The following KCP variants were observed in gnomAD, a reference collection of about 807,000 sequenced individuals.
The protein encoded by KCP is kielin cysteine rich BMP regulator, also known as kielin/chordin-like protein.
KCP carries 194 observed loss-of-function variants against 212.7 expected under a neutral mutation model. The ratio of observed to expected loss-of-function variants is 0.91; its 90% CI spans 0.81 to 1.03. KCP has a LOEUF of 1.03. KCP is among the 50% of genes least tolerant of loss of function. KCP has a pLI of 0.00. For synonymous variants in KCP, 833 were observed against 865.3 expected, an observed-to-expected ratio of 0.96 and a Z score of 0.65; for missense variants, 2,080 against 2,162.5, an observed-to-expected ratio of 0.96 and a Z score of 0.76.
intron 8 of KCP, among the ~76,000 whole-genome samples, chr7:128,898,119 G>A (rs1027701486): frequency 2.6e-5 from 4 of 151,752 alleles, no homozygotes; most frequent in African/African-American, 7.3e-5. Context: ...GCAATGGTGC[G>A]ATCTTGGCTC....
chr7:128,886,557 C>A lies in KCP; in HGVS notation c.2773G>T (p.Ala925Ser). 1 of 1,551,200 alleles carries A rather than the reference C, an allele frequency of 6.4e-7. No homozygotes were observed. Among genetic ancestry groups the A allele is most frequent in the South Asian group, 1.2e-5 (1 of 84,062 alleles). ...AGCCGCACACAGCTGACCTGGCCAGCCTGTAGGAGATGCAGGGACACTGGC... is the reference window on the plus strand; with the variant it reads ...AGCCGCACACAGCTGACCTGGCCAGACTGTAGGAGATGCAGGGACACTGGC... Reference protein sequence around the residue: ...AGSCEWCRCQAGQVSCVRLQC... With the variant: ...AGSCEWCRCQSGQVSCVRLQC... The change falls in exon 26 of 40, where the codon GCT becomes TCT. Residue 925 changes from alanine to serine, a missense_variant and splice_region_variant. Transcript: ENST00000610776.
chr7:128,885,678 CCT>C (rs538572355), intron 26 of KCP, among the ~76,000 whole-genome samples: 4 of 152,210 alleles, frequency 2.6e-5, no homozygotes, highest in Non-Finnish European at 5.9e-5. Flanking sequence ...ATGGGGATTT[CCT>C]CTGTCCTGCC....
At chr7:128,880,565 C>T in intron 33 of KCP, 37 bp from the exon 34 acceptor site, 1 of 1,373,780 alleles carries the variant, frequency 7.3e-7, no homozygotes, top group Non-Finnish European at 9.5e-7. Context: ...AGCTGCTCCT[C>T]CCACATGCCC....
rs1793220229 is a variant in KCP at position 128,879,965 on chromosome 7, G to T, written c.3880C>A (p.Gln1294Lys). The change falls in exon 35 of 40, where the codon CAG becomes AAG. Residue 1294 changes from glutamine to lysine, a missense_variant. Coordinates refer to ENST00000610776, the MANE Select transcript of KCP (RefSeq NM_001366122.1). ...RTFDGRLLHF[Q>K]GSCSYVLAKD... ...GCCAGCACATAGCTGCAACTGCCCT[G>T]GAAGTGCAGCAGGCGGCCGTCGAAG... The T allele has an allele frequency of 2.6e-6, 4 of 1,550,762 alleles. No individual in the cohort carries two copies. The highest frequency in any genetic ancestry group is 3.5e-6 in the Non-Finnish European group (4 of 1,146,966).
chr7:128,887,198 T>C lies in KCP; in HGVS notation c.2598+17A>G. 6.4e-7 allele frequency: 1 copy of C among 1,550,610 alleles called. No individual in the cohort carries two copies. The highest frequency in any genetic ancestry group is 8.7e-7 in the Non-Finnish European group (1 of 1,146,062). ...AAGGGAGGAAAGGTTACCAAGGTCC[T>C]AAAGGGGCTGCCTCACCTGGCAGGT... On this transcript the variant is annotated intron_variant, in intron 23 of 39. Coordinates refer to ENST00000610776, the MANE Select transcript of KCP (RefSeq NM_001366122.1).
At chr7:128,882,328 C>G (rs1793381638) in intron 29 of KCP, among the ~76,000 whole-genome samples, 1 of 152,208 alleles carries the variant, frequency 6.6e-6, no homozygotes, top group Non-Finnish European at 1.5e-5. Flanking sequence ...TGCTCTCCCT[C>G]CCGCTATCTG....
intron 30 of KCP, 87 bp downstream of exon 30, chr7:128,881,850 G>C: frequency 1.4e-6 from 2 of 1,414,344 alleles, no homozygotes; most frequent in Non-Finnish European, 1.9e-6. Flanking sequence ...GAGAGCCCTG[G>C]AGCTGCTGCG....
rs1168876366 is a variant in KCP at position 128,892,797 on chromosome 7, G to A, written c.1421-3C>T. 2 of 1,551,690 alleles carry A rather than the reference G, an allele frequency of 1.3e-6. No individual in the cohort carries two copies. The highest frequency in any genetic ancestry group is 1.7e-6 in the Non-Finnish European group (2 of 1,146,914). On this transcript the variant is annotated splice_polypyrimidine_tract_variant and splice_region_variant and intron_variant, in intron 14 of 39. Coordinates refer to ENST00000610776, the MANE Select transcript of KCP (RefSeq NM_001366122.1). ...GTCACAGCTGGGGCAGCAGGCACCT[G>A]GGTGGGGCAGGCTGGTCAGGGTGAG...
intron 18 of KCP, 23 bp from the exon 19 acceptor site, chr7:128,891,301 C>CGGGTCAGT (rs1266651835): frequency 4.5e-6 from 7 of 1,547,512 alleles, no homozygotes; most frequent in African/African-American, 1.4e-5. Flanking sequence ...AGACGCACCA[C>CGGGTCAGT]GGGTCAGTGG....
Position 128,906,277 on chromosome 7 carries a change from A to G in KCP, c.571+2T>C. The G allele has an allele frequency of 6.5e-7, 1 of 1,550,186 alleles. No individual in the cohort carries two copies. The highest frequency in any genetic ancestry group is 8.7e-7 in the Non-Finnish European group (1 of 1,145,864). On this transcript the variant is annotated splice_donor_variant, in intron 5 of 39. Coordinates refer to ENST00000610776, the MANE Select transcript of KCP (RefSeq NM_001366122.1). LOFTEE classifies it high-confidence loss of function. ...TGGGGCTGAGACTGGCAGGAGGCTG[A>G]CCTGGCTTACAGTGCGGGCAGCATG...
intron 5 of KCP, chr7:128,904,354 G>A (rs1161936910): frequency 6.4e-7 from 1 of 1,551,610 alleles, no homozygotes; most frequent in African/African-American, 1.4e-5. Flanking sequence ...CTGAACACGA[G>A]GGCCCCTGGC....
intron 8 of KCP, 80 bp from the exon 9 acceptor site, chr7:128,894,373 C>T: frequency 3.5e-6 from 4 of 1,132,604 alleles, no homozygotes; most frequent in Non-Finnish European, 5.0e-6. Context: ...CCCAGCTATC[C>T]ACTTATTAGA....
chr7:128,909,669 T>C (rs779333363), intron 1 of KCP, among the ~76,000 whole-genome samples: 1 of 152,034 alleles, frequency 6.6e-6, no homozygotes, highest in African/African-American at 2.4e-5. Flanking sequence ...GCCCCTTCTC[T>C]CCACTCGACC....
chr7:128,884,905 C>T lies in KCP; in HGVS notation c.3041-42G>A, dbSNP rs1279432104. The T allele has an allele frequency of 4.6e-6, 7 of 1,537,804 alleles. No individual in the cohort carries two copies. The Admixed American group carries it at 5.9e-5, about 13-fold the overall frequency. On this transcript the variant is annotated intron_variant, in intron 27 of 39. Coordinates refer to ENST00000610776, the MANE Select transcript of KCP (RefSeq NM_001366122.1). ...GAGCAGAACGGGACCAGGGGTCCTT[C>T]AGGCTGGCAGCGAGGCAGGGGTGGA...
chr7:128,887,307 G>C lies in KCP; in HGVS notation c.2513-7C>G. 3 of 1,550,146 alleles carry C rather than the reference G, an allele frequency of 1.9e-6. No individual in the cohort carries two copies. The highest frequency in any genetic ancestry group is 2.6e-6 in the Non-Finnish European group (3 of 1,146,152). Reference sequence around the variant, plus strand: ...ACGCCATGGTAGCGGCATCCTGGCAGAGCGGGGAGTCCAACAGAAGAGCTG... The same window carrying C: ...ACGCCATGGTAGCGGCATCCTGGCACAGCGGGGAGTCCAACAGAAGAGCTG... On this transcript the variant is annotated splice_polypyrimidine_tract_variant and splice_region_variant and intron_variant, in intron 22 of 39. Transcript: ENST00000610776.
Position 128,908,251 on chromosome 7 carries a change from GAAGAAAGAAAGAAAGAAAGA to G in KCP, c.219+155_219+174del, listed in dbSNP as rs370653893. Among the ~76,000 whole-genome samples the G allele has an allele frequency of 1.8e-4, 18 of 101,276 alleles. No individual in the cohort carries two copies. In the South Asian group the frequency reaches 3.7e-3, roughly 21 times the overall value. 66.4% of individuals were successfully genotyped at this position (101,276 alleles called of 152,430 possible). A position where few individuals can be genotyped will look rare whatever the true frequency, so the allele number is the denominator to read the frequency against. ...AGGAAAGAAGAAAGGAAGAAAGAAAGAAGAAAGAAAGAAAGAAAGAAAGAAAGAAAGAAAGAAAGAAAGAA... is the reference window on the plus strand; with the variant it reads ...AGGAAAGAAGAAAGGAAGAAAGAAAGAAGAAAGAAAGAAAGAAAGAAAGAA... On this transcript the variant is annotated intron_variant, in intron 2 of 39. Coordinates refer to ENST00000610776, the MANE Select transcript of KCP (RefSeq NM_001366122.1).
intron 28 of KCP, 126 bp downstream of exon 28, chr7:128,884,655 G>C (rs1793533391): frequency 6.9e-6 from 6 of 873,172 alleles, no homozygotes; most frequent in Non-Finnish European, 9.0e-6. Flanking sequence ...CCTGGCCACA[G>C]GGATACACTC....
intron 8 of KCP, among the ~76,000 whole-genome samples, chr7:128,898,560 G>T (rs1464637980): frequency 6.6e-6 from 1 of 152,200 alleles, no homozygotes; most frequent in African/African-American, 2.4e-5. Flanking sequence ...AGTAAAAGTT[G>T]CTAAGGATTA....
At position 128,896,904 on chromosome 7, in the gene KCP, A is replaced by AAAT. The variant is rs1794563434; in HGVS notation, c.832-2612_832-2611insATT. Among the ~76,000 whole-genome samples, 7 of 151,630 alleles carry AAAT rather than the reference A, an allele frequency of 4.6e-5. No homozygotes were observed. In the South Asian group the frequency reaches 1.5e-3, roughly 32 times the overall value. On this transcript the variant is annotated intron_variant, in intron 8 of 39. Coordinates refer to ENST00000610776, the MANE Select transcript of KCP (RefSeq NM_001366122.1). Reference sequence around the variant, plus strand: ...GACTCCATCTCAAAAAAAAAAAAAAAAAAAAAAAAAATTCCCTTCTCTACC... The same window carrying AAAT: ...GACTCCATCTCAAAAAAAAAAAAAAAAATAAAAAAAAAAATTCCCTTCTCTACC...
Sources: allele counts gnomAD v4.1 joint callset (sites outside exome capture counted in the v4.1 genomes callset), GRCh38; gene constraint gnomAD v4.1.1; transcripts MANE v1.5; gene names NCBI Gene and HGNC (gene_info 2026-07-23, HGNC 2026-07-21).